The following WBP1L variants were observed in gnomAD, a reference collection of about 807,000 sequenced individuals.
WBP1L encodes the protein WW domain binding protein 1-like.
A neutral mutation model predicts 33.7 loss-of-function variants in WBP1L; 17 were observed. That is an observed-to-expected ratio of 0.50 (90% CI 0.34 to 0.76). WBP1L has a LOEUF of 0.76. Ranked by LOEUF, WBP1L falls within the 30% of genes least tolerant of loss-of-function variation. The pLI is 0.01. For synonymous variants in WBP1L, 173 were observed against 190.8 expected (o/e 0.91, Z 0.77); for missense variants, 389 against 469.4 (o/e 0.83, Z 1.58).
chr10:102,812,485 TG>T, intron 3 of WBP1L, 109 bp from the exon 4 acceptor site: 1 of 1,297,012 alleles, frequency 7.7e-7, no homozygotes, highest in Admixed American at 2.5e-5. Context: ...CATCACTTGT[TG>T]GGTGCTCTGG....
At chr10:102,747,432 G>A (rs148578221) in intron 1 of WBP1L, among the ~76,000 whole-genome samples, 26 of 151,888 alleles carry the variant, frequency 1.7e-4, no homozygotes, top group Non-Finnish European at 3.1e-4. Context: ...CAGCCTTGGC[G>A]TTTGTTTCCT....
At chr10:102,757,401 T>C (rs1273309738) in intron 1 of WBP1L, among the ~76,000 whole-genome samples, 1 of 152,192 alleles carries the variant, frequency 6.6e-6, no homozygotes, top group Non-Finnish European at 1.5e-5. Context: ...GGATGGGCAC[T>C]GTTTGTCAAG....
At chr10:102,773,294 A>C (rs930182654) in intron 1 of WBP1L, among the ~76,000 whole-genome samples, 1 of 152,234 alleles carries the variant, frequency 6.6e-6, no homozygotes, top group Non-Finnish European at 1.5e-5. Context: ...AGAAGTTGAT[A>C]GAAAGAAGCT....
chr10:102,794,439 A>G (rs928335204), intron 1 of WBP1L, among the ~76,000 whole-genome samples: 6 of 151,922 alleles, frequency 3.9e-5, no homozygotes, highest in Admixed American at 2.6e-4. Flanking sequence ...AAATCACGCC[A>G]CTGCATACCA....
At chr10:102,748,681 A>T (rs560037357) in intron 1 of WBP1L, among the ~76,000 whole-genome samples, 1 of 152,332 alleles carries the variant, frequency 6.6e-6, no homozygotes, top group African/African-American at 2.4e-5. Flanking sequence ...TCAAATGAGT[A>T]TGGAATCCCT....
At chr10:102,811,319 TG>T (rs377342984) in intron 3 of WBP1L, among the ~76,000 whole-genome samples, 12 of 152,052 alleles carry the variant, frequency 7.9e-5, no homozygotes, top group African/African-American at 2.4e-4. Flanking sequence ...AGGGGCGGGT[TG>T]GGGGGTGGCA....
intron 1 of WBP1L, among the ~76,000 whole-genome samples, chr10:102,787,168 C>T (rs1465562369): frequency 2.6e-5 from 4 of 152,218 alleles, no homozygotes; most frequent in Non-Finnish European, 5.9e-5. Flanking sequence ...TTAGCAGTGG[C>T]TTGCCCTTTA....
At chr10:102,768,093 C>T (rs927827304) in intron 1 of WBP1L, among the ~76,000 whole-genome samples, 2 of 152,110 alleles carry the variant, frequency 1.3e-5, no homozygotes, top group East Asian at 1.9e-4. Flanking sequence ...CTTTTTGAGA[C>T]GAATTCTTGC....
At chr10:102,763,207 C>CA (rs36003893) in intron 1 of WBP1L, among the ~76,000 whole-genome samples, 35,569 of 94,018 alleles carry the variant, frequency 0.38, 6,775 homozygotes, top group Middle Eastern at 0.46. Context: ...ACTTTTGTCT[C>CA]AAAAAAAAAA....
At position 102,812,730 on chromosome 10, in the gene WBP1L, G is replaced by T. The variant is rs762338756; in HGVS notation, c.491G>T (p.Ser164Ile). Reference sequence around the variant, plus strand: ...CCACAGTGTGGCCCTGCAGGTGGCAGTCCCCCGGGCATCGATCCCACCAGG... The same window carrying T: ...CCACAGTGTGGCCCTGCAGGTGGCATTCCCCCGGGCATCGATCCCACCAGG... ...LPPQCGPAGG[S>I]PPGIDPTRGS... is the part of the protein sequence containing the mutation. Residue 164 changes from serine (S) to isoleucine (I), a missense_variant, in exon 4 of 4, where the codon AGT becomes ATT. Transcript: ENST00000448841. The T allele has an allele frequency of 4.3e-6, 7 of 1,613,966 alleles. No individual in the cohort carries two copies. In the Admixed American group the frequency reaches 6.7e-5, roughly 15 times the overall value.
At chr10:102,763,172 A>C (rs953280331) in intron 1 of WBP1L, among the ~76,000 whole-genome samples, 7 of 140,146 alleles carry the variant, frequency 5.0e-5, no homozygotes, top group Non-Finnish European at 9.0e-5. Flanking sequence ...GCACCATTGC[A>C]CTCCAGCCTG....
At chr10:102,761,493 G>A (rs1171484667) in intron 1 of WBP1L, among the ~76,000 whole-genome samples, 1 of 151,472 alleles carries the variant, frequency 6.6e-6, no homozygotes, top group Non-Finnish European at 1.5e-5. Flanking sequence ...TTTCACTCTT[G>A]TTGCCCAGGC....
intron 1 of WBP1L, among the ~76,000 whole-genome samples, chr10:102,758,393 C>T (rs536491115): frequency 6.6e-6 from 1 of 152,328 alleles, no homozygotes; most frequent in East Asian, 1.9e-4. Context: ...CCTCCAGTCC[C>T]TGGCAACCAC....
intron 2 of WBP1L, among the ~76,000 whole-genome samples, chr10:102,800,988 C>A (rs1281854296): frequency 6.6e-6 from 1 of 152,162 alleles, no homozygotes; most frequent in African/African-American, 2.4e-5. Flanking sequence ...CATTTCTACC[C>A]ACCCTTTACC....
chr10:102,772,299 C>T (rs184677108), intron 1 of WBP1L, among the ~76,000 whole-genome samples: 3,562 of 116,188 alleles, frequency 0.031, 66 homozygotes, highest in South Asian at 0.12. Flanking sequence ...CTCGCTCTGT[C>T]GCCCAGGCTG....
At chr10:102,793,372 G>T (rs995979409) in intron 1 of WBP1L, among the ~76,000 whole-genome samples, 1 of 152,214 alleles carries the variant, frequency 6.6e-6, no homozygotes, top group Non-Finnish European at 1.5e-5. Context: ...GTGAGCCCAG[G>T]AGTTTGAGGC....
At position 102,816,025 on chromosome 10, in the gene WBP1L, GT is replaced by G. The variant is rs1843937631; in HGVS notation, c.*2695del. The G allele has an allele frequency of 1.3e-5, 2 of 152,682 alleles. No individual in the cohort carries two copies. Among genetic ancestry groups the G allele is most frequent in the African/African-American group, 4.8e-5 (2 of 41,458 alleles). 9.5% of individuals were successfully genotyped at this position (152,682 alleles called of 1,614,324 possible). On this transcript the variant is annotated 3_prime_UTR_variant, in exon 4 of 4. Transcript: ENST00000448841. ...TGGCTTTCCACGTGAATGAGACGGG[GT>G]CGGTGGAGGGTTTGGTGCTACAGCC...
rs1000447498 is a variant in WBP1L, at chr10:102,809,986, G to A, written c.287G>A (p.Arg96Gln). The A allele has an allele frequency of 6.2e-7, 1 of 1,613,926 alleles. No homozygotes were observed. The highest frequency in any genetic ancestry group is 8.5e-7 in the Non-Finnish European group (1 of 1,180,018). Residue 96 changes from arginine (R) to glutamine (Q), a missense_variant, in exon 3 of 4, where the codon CGG (arginine) becomes CAG (glutamine). Coordinates refer to ENST00000448841, the MANE Select transcript of WBP1L (RefSeq NM_001083913.2). The part of the protein sequence containing the change: ...RAKHRLQAQQ[R>Q]QHEINLIAYR... The stretch of plus-strand genomic sequence containing the variant: ...AAGCACCGCCTTCAGGCCCAGCAGC[G>A]GCAACATGAAATCAACCTGATCGCT...
intron 2 of WBP1L, among the ~76,000 whole-genome samples, chr10:102,804,313 G>T (rs1188576826): frequency 6.9e-6 from 1 of 145,508 alleles, no homozygotes; most frequent in Non-Finnish European, 1.5e-5. Flanking sequence ...GTTTGAACCC[G>T]AGAGGCGGAG....
Sources: allele counts gnomAD v4.1 joint callset (sites outside exome capture counted in the v4.1 genomes callset), GRCh38; gene constraint gnomAD v4.1.1; transcripts MANE v1.5; gene names NCBI Gene and HGNC (gene_info 2026-07-23, HGNC 2026-07-21).